ULK4: variants seen among roughly 807,000 people sequenced by gnomAD.
ULK4 encodes inactive serine/threonine-protein kinase ULK4.
A neutral mutation model predicts 160.6 loss-of-function variants in ULK4; 133 were observed. The observed-to-expected ratio is 0.83, with a 90% CI of 0.72 to 0.96. The LOEUF (loss-of-function observed/expected upper bound fraction) is 0.96. Among genes scored for constraint, ULK4 ranks in the 40% least tolerant of loss-of-function variants. ULK4 has a pLI of 0.00. For missense variants in ULK4, 1,580 were observed against 1,499.5 expected, an observed-to-expected ratio of 1.05 and a Z score of -0.89; for synonymous variants, 534 against 539.8, an observed-to-expected ratio of 0.99 and a Z score of 0.15.
At chr3:41,500,280 C>CTTT (rs34817731) in intron 32 of ULK4, among the ~76,000 whole-genome samples, 2 of 139,882 alleles carry the variant, frequency 1.4e-5, no homozygotes, top group Non-Finnish European at 1.5e-5. Flanking sequence ...TTCATCTTAT[C>CTTT]TTTTTTTTTT....
intron 30 of ULK4, among the ~76,000 whole-genome samples, chr3:41,642,944 A>C (rs1397819641): frequency 1.3e-5 from 2 of 152,212 alleles, no homozygotes; most frequent in Non-Finnish European, 2.9e-5. Flanking sequence ...ATGGCCAGTG[A>C]TGATGAGCAT....
At chr3:41,747,373 C>T (rs1245320307) in intron 22 of ULK4, among the ~76,000 whole-genome samples, 4 of 151,930 alleles carry the variant, frequency 2.6e-5, no homozygotes, top group Non-Finnish European at 4.4e-5. Flanking sequence ...TCTCTGATAA[C>T]TTCCTCGCTT....
chr3:41,648,538 G>C (rs1014287909), intron 30 of ULK4, among the ~76,000 whole-genome samples: 2 of 152,088 alleles, frequency 1.3e-5, no homozygotes, highest in Non-Finnish European at 1.5e-5. Context: ...TACCTTGTCT[G>C]CCCAATTGAT....
At chr3:41,858,580 C>T (rs2042426788) in intron 17 of ULK4, among the ~76,000 whole-genome samples, 1 of 148,848 alleles carries the variant, frequency 6.7e-6, no homozygotes, top group African/African-American at 2.5e-5. Context: ...GCAACCTCCA[C>T]TTCCTGGACT....
intron 19 of ULK4, among the ~76,000 whole-genome samples, chr3:41,808,958 G>C (rs1290203456): frequency 6.6e-6 from 1 of 152,112 alleles, no homozygotes; most frequent in Non-Finnish European, 1.5e-5. Flanking sequence ...CACGAGGTCA[G>C]AAGTTTGAGA....
At chr3:41,776,321 A>C (rs970387430) in intron 21 of ULK4, among the ~76,000 whole-genome samples, 2 of 150,422 alleles carry the variant, frequency 1.3e-5, no homozygotes, top group Non-Finnish European at 2.9e-5. Flanking sequence ...CATATCCTGG[A>C]TACTAATCAT....
chr3:41,705,494 A>T (rs766037766), intron 25 of ULK4, among the ~76,000 whole-genome samples, 189 bp from the exon 26 acceptor site: 3 of 152,026 alleles, frequency 2.0e-5, no homozygotes, highest in South Asian at 4.1e-4. Flanking sequence ...AAGTCTAAAC[A>T]ATAATCTCTT....
At chr3:41,655,327 T>C (rs1015113861) in intron 30 of ULK4, among the ~76,000 whole-genome samples, 35 of 124,246 alleles carry the variant, frequency 2.8e-4, no homozygotes, top group African/African-American at 8.8e-4. Context: ...AATTGAACAA[T>C]GAGAACACAT....
intron 31 of ULK4, among the ~76,000 whole-genome samples, chr3:41,607,203 A>G (rs937258467): frequency 2.0e-5 from 3 of 152,142 alleles, no homozygotes; most frequent in Non-Finnish European, 4.4e-5. Context: ...CATTAGCTTG[A>G]TGATAGTGAA....
chr3:41,687,795 A>G (rs1388649668), intron 27 of ULK4: 1 of 152,230 alleles, frequency 6.6e-6, no homozygotes, highest in African/African-American at 2.4e-5. Flanking sequence ...AATGCTAACC[A>G]AACACCCCTG....
At chr3:41,490,264 G>A (rs1439598923) in intron 32 of ULK4, among the ~76,000 whole-genome samples, 1 of 152,062 alleles carries the variant, frequency 6.6e-6, no homozygotes, top group Non-Finnish European at 1.5e-5. Flanking sequence ...CACTGATAAG[G>A]GAGCCTGAGC....
intron 29 of ULK4, among the ~76,000 whole-genome samples, chr3:41,673,298 G>A (rs1404930104): frequency 2.0e-5 from 3 of 152,134 alleles, no homozygotes; most frequent in Admixed American, 1.3e-4. Flanking sequence ...GAACCACCCC[G>A]ATGTCCTTTG....
chr3:41,488,661 A>G (rs1315018212), intron 32 of ULK4, among the ~76,000 whole-genome samples: 2 of 152,226 alleles, frequency 1.3e-5, no homozygotes, highest in Non-Finnish European at 2.9e-5. Context: ...TAAGGCTCCT[A>G]TACAGGGTTC....
At chr3:41,841,054 CCTGGCCG>C (rs2041906309) in intron 17 of ULK4, among the ~76,000 whole-genome samples, 4 of 143,326 alleles carry the variant, frequency 2.8e-5, no homozygotes, top group South Asian at 2.3e-4. Flanking sequence ...AGCGCCTCTG[CCTGGCCG>C]CCCATCATCT....
chr3:41,684,817 C>A (rs140628742), intron 27 of ULK4, among the ~76,000 whole-genome samples: 1 of 152,308 alleles, frequency 6.6e-6, no homozygotes, highest in East Asian at 1.9e-4. Flanking sequence ...CTAATTTCAT[C>A]ATTAAAAGAA....
At chr3:41,790,828 G>A (rs1046630096) in intron 20 of ULK4, among the ~76,000 whole-genome samples, 2 of 152,166 alleles carry the variant, frequency 1.3e-5, no homozygotes, top group African/African-American at 4.8e-5. Flanking sequence ...GGAAGGCCTT[G>A]AAAGTTTTTA....
intron 23 of ULK4, among the ~76,000 whole-genome samples, chr3:41,716,215 A>C (rs1020756364): frequency 3.8e-5 from 3 of 79,878 alleles, no homozygotes; most frequent in Non-Finnish European, 8.4e-5. Context: ...TCTGTCTCAC[A>C]AAATAATAAT....
chr3:41,701,893 A>G (rs17060541), intron 27 of ULK4, among the ~76,000 whole-genome samples: 8,197 of 152,190 alleles, frequency 0.054, 721 homozygotes, highest in African/African-American at 0.19. Context: ...ATTTTAAAGT[A>G]ACCAGTAAAA....
intron 19 of ULK4, among the ~76,000 whole-genome samples, chr3:41,802,101 T>C (rs56194645): frequency 0.12 from 18,765 of 151,814 alleles, 1,323 homozygotes; most frequent in Middle Eastern, 0.27. Flanking sequence ...CATTCTGAAA[T>C]GCAAAAGTTG....
Sources: gnomAD v4.1 joint callset for allele counts (sites outside exome capture counted in the v4.1 genomes callset) on GRCh38, gnomAD v4.1.1 for gene constraint, MANE v1.5 for transcripts, NCBI Gene and HGNC (gene_info 2026-07-23, HGNC 2026-07-21) for gene names.